MGAT5: variants seen among roughly 807,000 people sequenced by gnomAD.
MGAT5 encodes the protein alpha-1,6-mannosylglycoprotein 6-beta-N-acetylglucosaminyltransferase A.
MGAT5 carries 30 observed loss-of-function variants against 94.3 expected under a neutral mutation model. The ratio of observed to expected loss-of-function variants is 0.32; its 90% CI spans 0.24 to 0.43. The LOEUF (loss-of-function observed/expected upper bound fraction) is 0.43. Among genes scored for constraint, MGAT5 ranks in the 20% least tolerant of loss-of-function variants. The pLI, the probability that MGAT5 is intolerant of heterozygous loss-of-function variation, is 1.00. For missense variants in MGAT5, 691 were observed against 905.5 expected, an observed-to-expected ratio of 0.76 and a Z score of 3.04; for synonymous variants, 310 against 322.9, an observed-to-expected ratio of 0.96 and a Z score of 0.43.
intron 1 of MGAT5, among the ~76,000 whole-genome samples, chr2:134,158,991 TG>T (rs1687607127): frequency 6.6e-6 from 1 of 152,254 alleles, no homozygotes. Context: ...AAGAAAAGAA[TG>T]TAAACTATTT....
Position 134,257,836 on chromosome 2 carries a change from C to CCTTTTTTTTTTTTT in MGAT5, c.241+3192_241+3193insCTTTTTTTTTTTTT, listed in dbSNP as rs781189819. The stretch of plus-strand genomic sequence containing the variant: ...TGCATAGGCCATTAGTTTGCAGTCT[C>CCTTTTTTTTTTTTT]TTTTTTTTTTTTTTTTTTTGCCATA... On this transcript the variant is annotated intron_variant, in intron 1 of 15. Coordinates refer to ENST00000281923, the MANE Select transcript of MGAT5 (RefSeq NM_002410.5). 1.3e-4 allele frequency among the ~76,000 whole-genome samples: 14 copies of CCTTTTTTTTTTTTT among 106,412 alleles called. 3 individuals are homozygous for CCTTTTTTTTTTTTT. The highest frequency in any genetic ancestry group is 1.7e-4 in the Non-Finnish European group (9 of 54,238). 69.8% of individuals were successfully genotyped at this position (106,412 alleles called of 152,430 possible).
chr2:134,423,019 A>G, intron 13 of MGAT5, 100 bp downstream of exon 13: 1 of 809,444 alleles, frequency 1.2e-6, no homozygotes, highest in Non-Finnish European at 2.1e-6. Context: ...GATCTTTACC[A>G]CATCAGCTTA....
rs968496108 is a variant in MGAT5, at chr2:134,194,552, G to C, written c.-142-59710G>C. On this transcript the variant is annotated intron_variant, in intron 1 of 16. Coordinates refer to the MGAT5 transcript ENST00000409645. ...TCTGTGTGCTTTTCAGTAATAATAA[G>C]TGTTCGAATCAATCTAATCTTTTGC... Among the ~76,000 whole-genome samples, 4 of 152,060 alleles carry C rather than the reference G, an allele frequency of 2.6e-5. No individual in the cohort carries two copies. In the South Asian group the frequency reaches 8.3e-4, roughly 32 times the overall value.
At chr2:134,170,225 T>C (rs1425220772) in intron 1 of MGAT5, among the ~76,000 whole-genome samples, 1 of 152,266 alleles carries the variant, frequency 6.6e-6, no homozygotes, top group Admixed American at 6.5e-5. Flanking sequence ...AAACAAATCT[T>C]GACTGCACTT....
At chr2:134,176,572 TAAA>T (rs66689362) in intron 1 of MGAT5, among the ~76,000 whole-genome samples, 3 of 83,308 alleles carry the variant, frequency 3.6e-5, no homozygotes, top group Non-Finnish European at 4.4e-5. Context: ...GACTCTGTCT[TAAA>T]AAAAAAAAAA....
At chr2:134,312,883 A>G (rs1285056205) in intron 2 of MGAT5, among the ~76,000 whole-genome samples, 1 of 152,120 alleles carries the variant, frequency 6.6e-6, no homozygotes, top group African/African-American at 2.4e-5. Flanking sequence ...TATGTGATGT[A>G]TCAAGGCAAG....
At chr2:134,383,718 T>TC (rs1681774513) in intron 10 of MGAT5, among the ~76,000 whole-genome samples, 1 of 152,128 alleles carries the variant, frequency 6.6e-6, no homozygotes, top group African/African-American at 2.4e-5. Flanking sequence ...ATTTTTTTTT[T>TC]TTTTTGAGAC....
intron 1 of MGAT5, among the ~76,000 whole-genome samples, chr2:134,223,408 T>G (rs1000618138): frequency 1.3e-5 from 2 of 152,230 alleles, no homozygotes; most frequent in Non-Finnish European, 2.9e-5. Context: ...GATCCTTATC[T>G]CTAGTCTTCA....
At chr2:134,185,395 C>T (rs1244625810) in intron 1 of MGAT5, among the ~76,000 whole-genome samples, 1 of 152,120 alleles carries the variant, frequency 6.6e-6, no homozygotes, top group African/African-American at 2.4e-5. Flanking sequence ...AGAGAAAATG[C>T]TTGACGTTGA....
intron 1 of MGAT5, among the ~76,000 whole-genome samples, chr2:134,188,763 A>G (rs905446064): frequency 7.6e-6 from 1 of 132,184 alleles, no homozygotes; most frequent in Non-Finnish European, 1.6e-5. Context: ...GTTAAAGGGT[A>G]TGGTTCCCAA....
intron 2 of MGAT5, among the ~76,000 whole-genome samples, chr2:134,278,510 C>T (rs1417566549): frequency 6.6e-6 from 1 of 152,122 alleles, no homozygotes; most frequent in East Asian, 1.9e-4. Context: ...ACATGGGTCA[C>T]CCCTGGGAAT....
At chr2:134,411,357 A>G (rs956745964) in intron 11 of MGAT5, among the ~76,000 whole-genome samples, 6 of 151,986 alleles carry the variant, frequency 3.9e-5, no homozygotes, top group African/African-American at 1.4e-4. Context: ...CCAAGGGGGA[A>G]ATGACCCAGC....
intron 4 of MGAT5, among the ~76,000 whole-genome samples, chr2:134,335,229 G>A (rs1688263119): frequency 6.6e-6 from 1 of 151,972 alleles, no homozygotes; most frequent in Non-Finnish European, 1.5e-5. Context: ...TGCTATCTTA[G>A]TGACCCCTTT....
intron 2 of MGAT5, among the ~76,000 whole-genome samples, chr2:134,273,848 A>T (rs1684183074): frequency 6.6e-6 from 1 of 152,184 alleles, no homozygotes; most frequent in Non-Finnish European, 1.5e-5. Flanking sequence ...CTTGTTGAAG[A>T]GAAAGGGGAC....
chr2:134,439,345 C>G (rs1233095927), intron 14 of MGAT5, among the ~76,000 whole-genome samples: 2 of 152,196 alleles, frequency 1.3e-5, no homozygotes, highest in Non-Finnish European at 2.9e-5. Flanking sequence ...GGGCCAGCTG[C>G]CCACAGAGCC....
chr2:134,212,599 T>C (rs374097066), intron 1 of MGAT5, among the ~76,000 whole-genome samples: 1 of 152,246 alleles, frequency 6.6e-6, no homozygotes, highest in South Asian at 2.1e-4. Flanking sequence ...TAAAACCCCG[T>C]AAAATGATCA....
At chr2:134,241,884 A>G (rs1489028517) in intron 1 of MGAT5, among the ~76,000 whole-genome samples, 1 of 152,228 alleles carries the variant, frequency 6.6e-6, no homozygotes, top group Non-Finnish European at 1.5e-5. Flanking sequence ...CATCATTCAG[A>G]TACAATTTCT....
chr2:134,326,673 T>C (rs1687664832), intron 4 of MGAT5, among the ~76,000 whole-genome samples: 1 of 152,078 alleles, frequency 6.6e-6, no homozygotes, highest in African/African-American at 2.4e-5. Flanking sequence ...GGTTGTGTTA[T>C]GTAAGGAGAG....
At chr2:134,125,007 C>T (rs988885267) in intron 1 of MGAT5, among the ~76,000 whole-genome samples, 2 of 151,950 alleles carry the variant, frequency 1.3e-5, no homozygotes, top group Admixed American at 6.6e-5. Flanking sequence ...AAGTCTTCCA[C>T]TCTATTAGTT....
Sources: gnomAD v4.1 joint callset for allele counts (sites outside exome capture counted in the v4.1 genomes callset) on GRCh38, gnomAD v4.1.1 for gene constraint, MANE v1.5 for transcripts, NCBI Gene and HGNC (gene_info 2026-07-23, HGNC 2026-07-21) for gene names.